The following KCNQ3 variants were observed in gnomAD, a reference collection of about 807,000 sequenced individuals.
The protein encoded by KCNQ3 is potassium voltage-gated channel subfamily KQT member 3.
A neutral mutation model predicts 92.5 loss-of-function variants in KCNQ3; 30 were observed. That is an observed-to-expected ratio of 0.32 (90% CI 0.24 to 0.44). The LOEUF (loss-of-function observed/expected upper bound fraction) is 0.44. KCNQ3 is among the 20% of genes least tolerant of loss of function. The probability of loss-of-function intolerance (pLI) is 1.00; values close to 1 mark genes in which losing one functional copy is unlikely to be tolerated. For synonymous variants in KCNQ3, 450 were observed against 468.8 expected (o/e 0.96, Z 0.52); for missense variants, 913 against 1,140.3 (o/e 0.80, Z 2.87).
At chr8:132,216,293 G>A (rs1194201205) in intron 1 of KCNQ3, among the ~76,000 whole-genome samples, 3 of 152,198 alleles carry the variant, frequency 2.0e-5, no homozygotes, top group South Asian at 2.1e-4. Context: ...TGCTACATGC[G>A]CAAGTGTTTT....
intron 9 of KCNQ3, among the ~76,000 whole-genome samples, chr8:132,156,887 C>T (rs1328580373): frequency 6.6e-6 from 1 of 152,030 alleles, no homozygotes; most frequent in Non-Finnish European, 1.5e-5. Flanking sequence ...GAGTTTGGGA[C>T]ACAGACACAC....
intron 1 of KCNQ3, among the ~76,000 whole-genome samples, chr8:132,210,721 G>A (rs7357525): frequency 0.22 from 33,737 of 152,106 alleles, 4,048 homozygotes; most frequent in African/African-American, 0.31. Context: ...CTGTAGAGAT[G>A]TATGGCAGCT....
chr8:132,371,331 T>C (rs2130738210), intron 1 of KCNQ3, among the ~76,000 whole-genome samples: 1 of 152,336 alleles, frequency 6.6e-6, no homozygotes, highest in East Asian at 1.9e-4. Context: ...AGCCACCATG[T>C]GGCATTACAA....
chr8:132,285,701 G>A (rs940312124), intron 1 of KCNQ3, among the ~76,000 whole-genome samples: 1 of 152,174 alleles, frequency 6.6e-6, no homozygotes, highest in South Asian at 2.1e-4. Context: ...ATGGTTAGAA[G>A]GGAGCTAGGT....
intron 1 of KCNQ3, among the ~76,000 whole-genome samples, chr8:132,380,405 A>T (rs1319310168): frequency 6.6e-6 from 1 of 152,182 alleles, no homozygotes; most frequent in African/African-American, 2.4e-5. Flanking sequence ...ATAGGAAGTG[A>T]TTTTCCCGAC....
At position 132,122,920 on chromosome 8, in the gene KCNQ3, G is replaced by A. The variant is rs1824531675; in HGVS notation, c.*6342C>T. On this transcript the variant is annotated 3_prime_UTR_variant, in exon 15 of 15. Transcript: ENST00000388996. ...CATAAGATGTCCTAAGTTGAGTCCT[G>A]TCTGCTTCTTTGTAGCTTTTGGTGA... 2 of 152,166 alleles carry A rather than the reference G, an allele frequency of 1.3e-5. No homozygotes were observed. The highest frequency in any genetic ancestry group is 2.4e-5 in the African/African-American group (1 of 41,442). 9.4% of individuals were successfully genotyped at this position (152,166 alleles called of 1,614,324 possible). A position where few individuals can be genotyped will look rare whatever the true frequency, so the allele number is the denominator to read the frequency against.
intron 12 of KCNQ3, among the ~76,000 whole-genome samples, 196 bp from the exon 13 acceptor site, chr8:132,134,584 G>A (rs1392383279): frequency 6.6e-6 from 1 of 150,908 alleles, no homozygotes; most frequent in South Asian, 2.1e-4. Flanking sequence ...GGAGAGGAAA[G>A]AGAGAGTGCA....
intron 1 of KCNQ3, among the ~76,000 whole-genome samples, chr8:132,264,372 G>A (rs1197121821): frequency 6.6e-6 from 1 of 152,170 alleles, no homozygotes; most frequent in Non-Finnish European, 1.5e-5. Flanking sequence ...GCTATCAGGA[G>A]GGGCCACGTA....
At chr8:132,233,226 A>T (rs1008331558) in intron 1 of KCNQ3, among the ~76,000 whole-genome samples, 18 of 152,336 alleles carry the variant, frequency 1.2e-4, no homozygotes, top group African/African-American at 4.1e-4. Context: ...TTAGGCATGA[A>T]AAACATGTTT....
In KCNQ3 at chr8:132,403,016, C is replaced by CAAAAAAAAAAAAAAAAAAAAAAAAA. The variant is rs375099145; in HGVS notation, c.386+77130_386+77131insTTTTTTTTTTTTTTTTTTTTTTTTT. ...CTGGCAACAGGGCGAGGCACCATCACAAAAAAAAAAAAAAAAGTGTCAATA... is the reference window on the plus strand; with the variant it reads ...CTGGCAACAGGGCGAGGCACCATCACAAAAAAAAAAAAAAAAAAAAAAAAAAAAAAAAAAAAAAAAAGTGTCAATA... On this transcript the variant is annotated intron_variant, in intron 1 of 14. Coordinates refer to ENST00000388996, the MANE Select transcript of KCNQ3 (RefSeq NM_004519.4). 7.1e-4 allele frequency among the ~76,000 whole-genome samples: 48 copies of CAAAAAAAAAAAAAAAAAAAAAAAAA among 67,612 alleles called. 4 individuals are homozygous for CAAAAAAAAAAAAAAAAAAAAAAAAA. The highest frequency in any genetic ancestry group is 9.4e-4 in the African/African-American group (11 of 11,692). 44.4% of individuals were successfully genotyped at this position (67,612 alleles called of 152,430 possible).
intron 1 of KCNQ3, among the ~76,000 whole-genome samples, chr8:132,338,910 CA>C (rs1404243809): frequency 2.0e-5 from 3 of 152,160 alleles, no homozygotes; most frequent in Non-Finnish European, 4.4e-5. Flanking sequence ...CAACGTGGGT[CA>C]GGGGGAGAGG....
At chr8:132,194,312 T>C (rs1018527041) in intron 1 of KCNQ3, among the ~76,000 whole-genome samples, 1 of 152,226 alleles carries the variant, frequency 6.6e-6, no homozygotes, top group African/African-American at 2.4e-5. Context: ...TAAAAGGCAG[T>C]GACAGACCTC....
chr8:132,326,497 A>G (rs1818055909), intron 1 of KCNQ3, among the ~76,000 whole-genome samples: 1 of 152,240 alleles, frequency 6.6e-6, no homozygotes, highest in Non-Finnish European at 1.5e-5. Flanking sequence ...TGTCTCCACC[A>G]AAGTTCATAT....
chr8:132,395,474 A>G (rs1733244117), intron 1 of KCNQ3, among the ~76,000 whole-genome samples: 2 of 152,216 alleles, frequency 1.3e-5, no homozygotes, highest in African/African-American at 2.4e-5. Context: ...ATGCAGTTCA[A>G]GTGAAAGTGG....
At chr8:132,197,729 G>A (rs1827340115) in intron 1 of KCNQ3, among the ~76,000 whole-genome samples, 1 of 152,200 alleles carries the variant, frequency 6.6e-6, no homozygotes, top group Non-Finnish European at 1.5e-5. Context: ...GCTACGGACT[G>A]AAGTATTTGC....
intron 1 of KCNQ3, among the ~76,000 whole-genome samples, chr8:132,339,958 TAAA>T (rs879480573): frequency 7.8e-6 from 1 of 128,910 alleles, no homozygotes; most frequent in Non-Finnish European, 1.7e-5. Flanking sequence ...GCAACAAACA[TAAA>T]AAAAAAAAAA....
At chr8:132,446,363 C>G (rs1821676491) in intron 1 of KCNQ3, among the ~76,000 whole-genome samples, 1 of 152,168 alleles carries the variant, frequency 6.6e-6, no homozygotes, top group Non-Finnish European at 1.5e-5. Flanking sequence ...CTGAGAGCAC[C>G]CTGCCTGGAA....
intron 1 of KCNQ3, among the ~76,000 whole-genome samples, chr8:132,300,708 G>A (rs544746362): frequency 6.6e-6 from 1 of 152,204 alleles, no homozygotes; most frequent in African/African-American, 2.4e-5. Flanking sequence ...AGAACCTTTG[G>A]GTTTTAACCC....
chr8:132,449,324 G>A (rs372272048), intron 1 of KCNQ3, among the ~76,000 whole-genome samples: 9 of 151,936 alleles, frequency 5.9e-5, no homozygotes, highest in East Asian at 3.9e-4. Context: ...ACTCCCGACC[G>A]TGAAACCCAG....
Sources: gnomAD v4.1 joint callset for allele counts (sites outside exome capture counted in the v4.1 genomes callset) on GRCh38, gnomAD v4.1.1 for gene constraint, MANE v1.5 for transcripts, NCBI Gene and HGNC (gene_info 2026-07-23, HGNC 2026-07-21) for gene names.